NKAIN3: variants seen among roughly 807,000 people sequenced by gnomAD.
The protein encoded by NKAIN3 is sodium/potassium transporting ATPase interacting 3.
A neutral mutation model predicts 30.2 loss-of-function variants in NKAIN3; 25 were observed. The observed-to-expected ratio is 0.83, with a 90% CI of 0.60 to 1.16. NKAIN3 has a LOEUF of 1.16. NKAIN3 is among the 50% of genes most tolerant of loss of function. The probability of loss-of-function intolerance (pLI) is 0.00; values close to 1 mark genes in which losing one functional copy is unlikely to be tolerated. For synonymous variants in NKAIN3, 91 were observed against 89.6 expected (o/e 1.02, Z -0.09); for missense variants, 225 against 254.1 (o/e 0.89, Z 0.78).
chr8:62,473,457 G>A (rs1806420666), intron 1 of NKAIN3: 1 of 152,122 alleles, frequency 6.6e-6, no homozygotes. Context: ...AAAGGAAAAT[G>A]GGGCCTTATT....
At chr8:62,777,023 C>A (rs1192720323) in intron 4 of NKAIN3, among the ~76,000 whole-genome samples, 6 of 152,180 alleles carry the variant, frequency 3.9e-5, no homozygotes, top group African/African-American at 1.4e-4. Flanking sequence ...ATATGTCATG[C>A]CGCTCTCATG....
At chr8:62,535,915 A>G (rs1246826872) in intron 1 of NKAIN3, among the ~76,000 whole-genome samples, 2 of 152,178 alleles carry the variant, frequency 1.3e-5, no homozygotes, top group Admixed American at 6.6e-5. Context: ...CCAGACATCA[A>G]TGGCCTGCCT....
chr8:62,659,137 A>T (rs1282263354), intron 3 of NKAIN3, among the ~76,000 whole-genome samples: 2 of 152,170 alleles, frequency 1.3e-5, no homozygotes, highest in Admixed American at 1.3e-4. Context: ...CACAAAGTTA[A>T]ATTAGTACCA....
chr8:62,490,405 T>A (rs1228860160), intron 1 of NKAIN3, among the ~76,000 whole-genome samples: 10 of 152,318 alleles, frequency 6.6e-5, no homozygotes. Flanking sequence ...TCTTAATATA[T>A]ATGTCCTGGT....
chr8:62,741,422 G>T (rs1456228347), intron 3 of NKAIN3, among the ~76,000 whole-genome samples: 1 of 121,750 alleles, frequency 8.2e-6, no homozygotes, highest in Admixed American at 7.8e-5. Flanking sequence ...AAGGAAGGAA[G>T]GCAGGCAAGC....
chr8:62,807,391 T>C (rs1338715158), intron 4 of NKAIN3, among the ~76,000 whole-genome samples: 1 of 152,264 alleles, frequency 6.6e-6, no homozygotes, highest in Middle Eastern at 3.4e-3. Flanking sequence ...ACAGATTTTT[T>C]AAATTTTTGT....
intron 4 of NKAIN3, among the ~76,000 whole-genome samples, chr8:62,837,474 T>C (rs2130754264): frequency 6.6e-6 from 1 of 152,290 alleles, no homozygotes; most frequent in East Asian, 1.9e-4. Context: ...CTTAAAGTAA[T>C]TTTTAATTGT....
At chr8:62,375,616 C>A (rs1817053782) in intron 1 of NKAIN3, among the ~76,000 whole-genome samples, 1 of 152,084 alleles carries the variant, frequency 6.6e-6, no homozygotes, top group Admixed American at 6.6e-5. Flanking sequence ...AACTCTACCA[C>A]CTAAATTACC....
intron 1 of NKAIN3, among the ~76,000 whole-genome samples, chr8:62,511,077 C>T (rs1344618506): frequency 6.6e-6 from 1 of 152,162 alleles, no homozygotes; most frequent in Non-Finnish European, 1.5e-5. Flanking sequence ...TCTTTAACTG[C>T]TCTTTCTGCC....
intron 4 of NKAIN3, chr8:62,864,273 C>A: frequency 8.8e-7 from 1 of 1,130,032 alleles, no homozygotes; most frequent in Non-Finnish European, 1.3e-6. Context: ...CGGCAAAGGA[C>A]AATGCTGAAG....
chr8:62,953,520 T>C (rs1823341220), intron 5 of NKAIN3, among the ~76,000 whole-genome samples: 1 of 152,082 alleles, frequency 6.6e-6, no homozygotes, highest in South Asian at 2.1e-4. Context: ...ATGCAATACA[T>C]ATTCTTAAGG....
At chr8:62,314,877 C>G (rs1243200991) in intron 1 of NKAIN3, among the ~76,000 whole-genome samples, 1 of 152,074 alleles carries the variant, frequency 6.6e-6, no homozygotes, top group South Asian at 2.1e-4. Flanking sequence ...AAACACTGAA[C>G]CTAATATTCT....
intron 4 of NKAIN3, among the ~76,000 whole-genome samples, chr8:62,845,491 G>A (rs1819662617): frequency 6.6e-6 from 1 of 151,512 alleles, no homozygotes; most frequent in African/African-American, 2.4e-5. Context: ...GTGGTGAACT[G>A]GAACAGAGCA....
Position 62,506,622 on chromosome 8 carries a change from A to T in NKAIN3, c.55-72917A>T, listed in dbSNP as rs533200440. Among the ~76,000 whole-genome samples the T allele has an allele frequency of 6.1e-4, 92 of 151,406 alleles. 1 individual carries two copies. Among genetic ancestry groups the T allele is most frequent in the African/African-American group, 2.0e-3 (84 of 41,318 alleles). Reference sequence around the variant, plus strand: ...CCCGAGTAGCTGGGACTACAGGCACATACCACTACGCCCTGCTGAGTTTTG... The same window carrying T: ...CCCGAGTAGCTGGGACTACAGGCACTTACCACTACGCCCTGCTGAGTTTTG... On this transcript the variant is annotated intron_variant, in intron 1 of 6. Transcript: ENST00000623646.
chr8:62,379,812 A>AT (rs527487608), intron 1 of NKAIN3, among the ~76,000 whole-genome samples: 71 of 151,994 alleles, frequency 4.7e-4, no homozygotes, highest in African/African-American at 1.6e-3. Flanking sequence ...AGGAGCCTTC[A>AT]TTTTTTTTCA....
In NKAIN3 at chr8:62,383,154, C is replaced by T. The variant is rs184131897; in HGVS notation, c.54+134027C>T. Among the ~76,000 whole-genome samples, 21 of 152,190 alleles carry T rather than the reference C, an allele frequency of 1.4e-4. 1 individual carries two copies. Among genetic ancestry groups the T allele is most frequent in the Non-Finnish European group, 2.2e-4 (15 of 68,000 alleles). ...GTTTTGGGCAGCCAGGGACATTACT[C>T]AATACCAAAAGAACTTTAAAAGGCA... On this transcript the variant is annotated intron_variant, in intron 1 of 6. Coordinates refer to ENST00000623646, the MANE Select transcript of NKAIN3 (RefSeq NM_001304533.3).
At chr8:62,445,983 G>C (rs1048608315) in intron 1 of NKAIN3, among the ~76,000 whole-genome samples, 2 of 152,186 alleles carry the variant, frequency 1.3e-5, no homozygotes, top group Non-Finnish European at 1.5e-5. Flanking sequence ...TGCCATGGTA[G>C]CAGTTTAGAG....
At chr8:62,412,904 T>G (rs1220083658) in intron 1 of NKAIN3, among the ~76,000 whole-genome samples, 2 of 92,346 alleles carry the variant, frequency 2.2e-5, no homozygotes, top group African/African-American at 8.9e-5. Context: ...AGACTGAGAC[T>G]CCGTCAAAAA....
intron 1 of NKAIN3, among the ~76,000 whole-genome samples, chr8:62,471,947 A>G (rs1806363778): frequency 6.6e-6 from 1 of 151,808 alleles, no homozygotes; most frequent in Admixed American, 6.6e-5. Flanking sequence ...TGTCAGAGCA[A>G]GGCAAGACCC....
Sources: gnomAD v4.1 joint callset for allele counts (sites outside exome capture counted in the v4.1 genomes callset) on GRCh38, gnomAD v4.1.1 for gene constraint, MANE v1.5 for transcripts, NCBI Gene and HGNC (gene_info 2026-07-23, HGNC 2026-07-21) for gene names.